HMCN1: variants seen among roughly 807,000 people sequenced by gnomAD.
The protein encoded by HMCN1 is hemicentin 1.
In HMCN1, 321 loss-of-function variants were observed where a neutral mutation model predicts 625.9. That is an observed-to-expected ratio of 0.51 (90% confidence interval 0.47 to 0.56). The LOEUF (loss-of-function observed/expected upper bound fraction) is 0.56. HMCN1 is among the 20% of genes least tolerant of loss of function. The pLI is 0.00. For synonymous variants in HMCN1, 2,425 were observed against 2,417.6 expected (o/e 1.00, Z -0.09); for missense variants, 6,588 against 6,887.3 (o/e 0.96, Z 1.54).
At chr1:186,025,138 A>C (rs1282409146) in intron 36 of HMCN1, among the ~76,000 whole-genome samples, 1 of 152,094 alleles carries the variant, frequency 6.6e-6, no homozygotes, top group Non-Finnish European at 1.5e-5. Flanking sequence ...CCTTGCATGC[A>C]CAGTTCACAA....
At chr1:185,853,361 C>T (rs1240243553) in intron 2 of HMCN1, among the ~76,000 whole-genome samples, 1 of 152,074 alleles carries the variant, frequency 6.6e-6, no homozygotes, top group African/African-American at 2.4e-5. Context: ...CTTATTTAAA[C>T]TCATGCACAC....
intron 40 of HMCN1, among the ~76,000 whole-genome samples, chr1:186,045,043 G>A (rs1447591816): frequency 6.6e-6 from 1 of 152,020 alleles, no homozygotes. Flanking sequence ...ATGTAATTGT[G>A]AGTACGTTGT....
At chr1:185,780,705 A>C (rs1169079406) in intron 1 of HMCN1, among the ~76,000 whole-genome samples, 1 of 152,148 alleles carries the variant, frequency 6.6e-6, no homozygotes, top group Admixed American at 6.5e-5. Flanking sequence ...AGCCCACTTG[A>C]TTGTGGTGGA....
At chr1:186,122,714 C>T (rs753795688) in intron 80 of HMCN1, among the ~76,000 whole-genome samples, 1 of 152,136 alleles carries the variant, frequency 6.6e-6, no homozygotes, top group Admixed American at 6.5e-5. Flanking sequence ...TGTTTATCTC[C>T]TCATTTAAAA....
At chr1:185,763,868 TATTA>T (rs1655690957) in intron 1 of HMCN1, among the ~76,000 whole-genome samples, 2 of 152,214 alleles carry the variant, frequency 1.3e-5, no homozygotes, top group South Asian at 4.1e-4. Flanking sequence ...AACATTCTTG[TATTA>T]ATTAAACATT....
chr1:185,829,672 G>A (rs1193364135), intron 1 of HMCN1, among the ~76,000 whole-genome samples: 1 of 152,092 alleles, frequency 6.6e-6, no homozygotes, highest in Non-Finnish European at 1.5e-5. Context: ...TGGGCATTTG[G>A]GTTGATTCCA....
At chr1:185,810,579 G>A (rs958657891) in intron 1 of HMCN1, among the ~76,000 whole-genome samples, 2 of 151,900 alleles carry the variant, frequency 1.3e-5, no homozygotes, top group African/African-American at 2.4e-5. Flanking sequence ...AAATGGACTC[G>A]ATTTAATCCC....
At chr1:186,171,910 TATAA>T in intron 101 of HMCN1, 92 bp from the exon 102 acceptor site, 1 of 1,088,056 alleles carries the variant, frequency 9.2e-7, no homozygotes, top group Non-Finnish European at 1.4e-6. Flanking sequence ...TGAATGTATA[TATAA>T]ATAATATCCC....
chr1:186,123,688 A>G (rs1263470537), intron 81 of HMCN1, among the ~76,000 whole-genome samples: 1 of 152,190 alleles, frequency 6.6e-6, no homozygotes, highest in South Asian at 2.1e-4. Flanking sequence ...TAACAGAAAA[A>G]TATCTTTGTA....
chr1:185,891,431 A>T (rs2102412039), intron 4 of HMCN1, among the ~76,000 whole-genome samples: 1 of 148,292 alleles, frequency 6.7e-6, no homozygotes, highest in African/African-American at 2.6e-5. Flanking sequence ...TTTTGGCATG[A>T]TTTTGCAGCG....
intron 68 of HMCN1, among the ~76,000 whole-genome samples, chr1:186,096,077 A>G (rs1274063421): frequency 6.6e-6 from 1 of 152,172 alleles, no homozygotes; most frequent in Non-Finnish European, 1.5e-5. Context: ...AAAGTAAGAT[A>G]ATGAAACGAA....
chr1:186,033,219 C>T (rs1198783556), intron 36 of HMCN1, among the ~76,000 whole-genome samples: 1 of 152,072 alleles, frequency 6.6e-6, no homozygotes, highest in African/African-American at 2.4e-5. Context: ...ATCGCATGTT[C>T]TCAATTTTAA....
In HMCN1 at chr1:185,867,667, C is replaced by A. The variant is rs190809602; in HGVS notation, c.621+1804C>A. ...CATGGCTAGTGGACATGGTCATTCCCAGGAGAAGTATTACAGAAGAGGCAA... is the reference window on the plus strand; with the variant it reads ...CATGGCTAGTGGACATGGTCATTCCAAGGAGAAGTATTACAGAAGAGGCAA... On this transcript the variant is annotated intron_variant, in intron 4 of 106. Transcript: ENST00000271588. 7.5e-4 allele frequency among the ~76,000 whole-genome samples: 114 copies of A among 152,148 alleles called. 1 individual carries two copies. The highest frequency in any genetic ancestry group is 4.2e-4 in the South Asian group (2 of 4,812).
chr1:186,097,146 A>G (rs569614872), intron 68 of HMCN1, among the ~76,000 whole-genome samples: 1 of 152,260 alleles, frequency 6.6e-6, no homozygotes, highest in South Asian at 2.1e-4. Context: ...TAAAGACTCC[A>G]CCAGAAAACT....
At chr1:185,762,951 A>T (rs1655607869) in intron 1 of HMCN1, among the ~76,000 whole-genome samples, 1 of 152,126 alleles carries the variant, frequency 6.6e-6, no homozygotes, top group Admixed American at 6.6e-5. Flanking sequence ...CCCTTGGCTA[A>T]CTTATTTGTT....
At chr1:185,884,190 G>A (rs1347712824) in intron 4 of HMCN1, among the ~76,000 whole-genome samples, 1 of 151,754 alleles carries the variant, frequency 6.6e-6, no homozygotes, top group Non-Finnish European at 1.5e-5. Context: ...TTATTTCAAT[G>A]AGGCTGAAAA....
At chr1:185,824,967 C>G (rs1345644503) in intron 1 of HMCN1, among the ~76,000 whole-genome samples, 1 of 152,032 alleles carries the variant, frequency 6.6e-6, no homozygotes, top group Non-Finnish European at 1.5e-5. Flanking sequence ...ATAAGTGGAG[C>G]ATTGATATCT....
At chr1:186,080,182 G>T (rs186116357) in intron 55 of HMCN1, among the ~76,000 whole-genome samples, 12 of 152,064 alleles carry the variant, frequency 7.9e-5, no homozygotes, top group Non-Finnish European at 1.8e-4. Flanking sequence ...GTGAAAGTAC[G>T]CATTCAAAAT....
rs200173411 is a variant in HMCN1 at position 186,007,069 on chromosome 1, A to C, written c.4476-59A>C. On this transcript the variant is annotated intron_variant, in intron 29 of 106. Transcript: ENST00000271588. ...CTGTACTAATGATTTTTGTTGTGAT[A>C]AATAAGAAATGTGAAAAACTGAAAA... The C allele has an allele frequency of 5.6e-4, 749 of 1,336,810 alleles. 12 individuals carry two copies. In the East Asian group the frequency reaches 0.017, roughly 31 times the overall value. The allele number at this position is 1,336,810 out of a possible 1,614,324, so 82.8% of individuals were successfully genotyped here.
Sources: allele counts gnomAD v4.1 joint callset (sites outside exome capture counted in the v4.1 genomes callset), GRCh38; gene constraint gnomAD v4.1.1; transcripts MANE v1.5; gene names NCBI Gene and HGNC (gene_info 2026-07-23, HGNC 2026-07-21).